Variants in MYCBP2 observed in about 807,000 individuals in gnomAD.
The protein encoded by MYCBP2 is MYC binding protein 2, also known as E3 ubiquitin-protein ligase MYCBP2.
Under a neutral mutation model 525.3 loss-of-function variants are expected in MYCBP2, and 120 were observed. The observed-to-expected ratio is 0.23, with a 90% CI of 0.20 to 0.27. The LOEUF (loss-of-function observed/expected upper bound fraction) is 0.27, where lower values mean the gene tolerates loss of function less well. Ranked by LOEUF, MYCBP2 falls within the 10% of genes least tolerant of loss-of-function variation. MYCBP2 has a pLI of 1.00. For synonymous variants in MYCBP2, 1,894 were observed against 1,955.8 expected (o/e 0.97, Z 0.83); for missense variants, 4,149 against 5,657.1 (o/e 0.73, Z 8.55).
At chr13:77,235,429 G>A (rs1486071640) in intron 17 of MYCBP2, among the ~76,000 whole-genome samples, 1 of 152,038 alleles carries the variant, frequency 6.6e-6, no homozygotes. Context: ...AAACAATATT[G>A]TATAGTCATT....
At chr13:77,094,563 C>T (rs755800071) in intron 58 of MYCBP2, among the ~76,000 whole-genome samples, 3 of 152,142 alleles carry the variant, frequency 2.0e-5, no homozygotes, top group Non-Finnish European at 2.9e-5. Flanking sequence ...TCACTTTGAA[C>T]GGGCTTTCAC....
At chr13:77,262,191 T>C (rs2073412768) in intron 10 of MYCBP2, 62 bp from the exon 11 acceptor site, 16 of 1,352,340 alleles carry the variant, frequency 1.2e-5, no homozygotes, top group Admixed American at 1.8e-5. Context: ...AAATACAACA[T>C]GCACTATTTT....
At chr13:77,137,485 G>C (rs2053932697) in intron 52 of MYCBP2, among the ~76,000 whole-genome samples, 1 of 152,120 alleles carries the variant, frequency 6.6e-6, no homozygotes, top group African/African-American at 2.4e-5. Flanking sequence ...AGGTGTGGTA[G>C]CTCATGCCTG....
At chr13:77,204,770 T>C (rs2154274769) in intron 26 of MYCBP2, among the ~76,000 whole-genome samples, 1 of 125,182 alleles carries the variant, frequency 8.0e-6, no homozygotes, top group Non-Finnish European at 1.7e-5. Flanking sequence ...AAATTGGAAA[T>C]CATCATTCTC....
chr13:77,098,711 G>A lies in MYCBP2; in HGVS notation c.8443C>T (p.Pro2815Ser), dbSNP rs141005456. Residue 2815 changes from proline (P) to serine (S), a missense_variant, in exon 56 of 83, where the codon CCA (proline) becomes TCA (serine). Pro to Ser is a moderately conservative substitution (Grantham distance 74). Coordinates refer to ENST00000544440, the MANE Select transcript of MYCBP2 (RefSeq NM_015057.5). ...TTAGGAGATGACAACCGAGAACCTG[G>A]TCCTGGGGATTCAGCTCTGGAGCTA... Reference protein sequence around the residue: ...PSSSRAESPGPGSRLSSPKPK... With the variant: ...PSSSRAESPGSGSRLSSPKPK... The A allele has an allele frequency of 6.2e-6, 10 of 1,613,428 alleles. No individual in the cohort carries two copies. In the African/African-American group the frequency reaches 8.0e-5, roughly 13 times the overall value.
At position 77,061,277 on chromosome 13, in the gene MYCBP2, T is replaced by G; in HGVS notation, c.12928A>C (p.Ile4310Leu). Residue 4310 changes from isoleucine (I) to leucine (L), a missense_variant, in exon 76 of 83, where the codon ATA becomes CTA. By Grantham distance (5) the Ile-to-Leu change is conservative (BLOSUM62 2). Around this residue, in one of 21 missense-constraint regions of MYCBP2, gnomAD observed 220 missense variants for 396.0 expected, o/e 0.56. Transcript: ENST00000544440. ...RQVFKEEEEA[I>L]KVDLHEGCGR... Reference sequence around the variant, plus strand: ...CAACCTTCATGAAGGTCAACCTTTATAGCTTCTTCTTCTTCTTTGAAGACC... The same window carrying G: ...CAACCTTCATGAAGGTCAACCTTTAGAGCTTCTTCTTCTTCTTTGAAGACC... 1.2e-6 allele frequency: 2 copies of G among 1,608,870 alleles called. No homozygotes were observed. The highest frequency in any genetic ancestry group is 8.5e-7 in the Non-Finnish European group (1 of 1,178,076).
At chr13:77,177,339 T>C (rs915580157) in intron 35 of MYCBP2, among the ~76,000 whole-genome samples, 101 of 147,190 alleles carry the variant, frequency 6.9e-4, no homozygotes, top group African/African-American at 2.2e-3. Flanking sequence ...TCTTTCTTTT[T>C]TTTTTTTTTT....
Position 77,088,947 on chromosome 13 carries a change from C to T in MYCBP2, c.10610G>A (p.Arg3537Gln). ...SAHSSLSKGE[R>Q]NFQWPVLAFV... is the part of the protein sequence containing the mutation. The stretch of plus-strand genomic sequence containing the variant: ...AGCTAAAACTGGCCACTGGAAATTT[C>T]GTTCTCCTTTAGAAAGAGAGCTGTG... Residue 3537 changes from arginine to glutamine, a missense_variant, in exon 61 of 83, where the codon CGA becomes CAA. Arg to Gln is a conservative substitution (Grantham distance 43). This residue lies in a region of MYCBP2 where 509 missense variants were observed against 789.4 expected (regional missense o/e 0.64). Transcript: ENST00000544440. 1.3e-5 allele frequency: 21 copies of T among 1,613,414 alleles called. No individual in the cohort carries two copies. Among genetic ancestry groups the T allele is most frequent in the Non-Finnish European group, 1.8e-5 (21 of 1,179,578 alleles).
intron 55 of MYCBP2, among the ~76,000 whole-genome samples, chr13:77,116,628 T>C (rs1021604085): frequency 2.0e-5 from 3 of 152,042 alleles, no homozygotes; most frequent in Admixed American, 6.6e-5. Context: ...TATAGGCAAG[T>C]AATGATTCAG....
intron 82 of MYCBP2, among the ~76,000 whole-genome samples, 177 bp downstream of exon 82, chr13:77,050,820 C>T (rs1385070529): frequency 6.6e-6 from 1 of 152,158 alleles, no homozygotes; most frequent in East Asian, 1.9e-4. Context: ...TGATGATGAG[C>T]CTGCTTCCTA....
At chr13:77,248,731 T>C (rs1200829454) in intron 15 of MYCBP2, among the ~76,000 whole-genome samples, 1 of 152,060 alleles carries the variant, frequency 6.6e-6, no homozygotes, top group Non-Finnish European at 1.5e-5. Flanking sequence ...AAAAATAAAA[T>C]TACCATATAG....
At chr13:77,090,509 G>T in intron 59 of MYCBP2, 1 of 287,700 alleles carries the variant, frequency 3.5e-6, no homozygotes, top group Non-Finnish European at 6.3e-6. Context: ...AAATGAAAAA[G>T]AAGAAAGGTT....
intron 13 of MYCBP2, among the ~76,000 whole-genome samples, chr13:77,258,544 C>T (rs959655364): frequency 6.6e-6 from 1 of 152,088 alleles, no homozygotes; most frequent in Non-Finnish European, 1.5e-5. Flanking sequence ...CAAATAGTAT[C>T]AATCTCATAT....
At chr13:77,091,559 T>C (rs2045423095) in intron 59 of MYCBP2, among the ~76,000 whole-genome samples, 1 of 152,064 alleles carries the variant, frequency 6.6e-6, no homozygotes, top group South Asian at 2.1e-4. Context: ...CTGTCTTGCC[T>C]CCTGTAGGAT....
At chr13:77,201,873 C>A (rs1413892949) in intron 26 of MYCBP2, among the ~76,000 whole-genome samples, 5 of 152,076 alleles carry the variant, frequency 3.3e-5, no homozygotes, top group African/African-American at 1.2e-4. Flanking sequence ...ATACCAGAAT[C>A]TCTGGGACAC....
chr13:77,160,317 C>T (rs553196327), intron 44 of MYCBP2, among the ~76,000 whole-genome samples: 1 of 152,192 alleles, frequency 6.6e-6, no homozygotes, highest in Non-Finnish European at 1.5e-5. Flanking sequence ...CGTGGGCGAA[C>T]TGCCTAAATG....
At position 77,180,263 on chromosome 13, in the gene MYCBP2, A is replaced by C; in HGVS notation, c.4997T>G (p.Leu1666Arg). 1 of 1,614,218 alleles carries C rather than the reference A, an allele frequency of 6.2e-7. No individual in the cohort carries two copies. The highest frequency in any genetic ancestry group is 8.5e-7 in the Non-Finnish European group (1 of 1,180,028). Residue 1666 changes from leucine to arginine, a missense_variant, in exon 34 of 83, where the codon CTG becomes CGG. Leu to Arg is a moderately radical substitution (Grantham distance 102). Coordinates refer to ENST00000544440, the MANE Select transcript of MYCBP2 (RefSeq NM_015057.5). ...TSFREVLEKM[L>R]VIVVLPVRNS... ...CCTGACTGGTAGCACAACAATGACC[A>C]GCATTTTCTCCAGAACTTCACGGAA...
intron 1 of MYCBP2, among the ~76,000 whole-genome samples, chr13:77,302,101 CAGAA>C (rs1803227437): frequency 6.6e-6 from 1 of 151,710 alleles, no homozygotes; most frequent in Admixed American, 6.6e-5. Context: ...ATTGGAATCC[CAGAA>C]AGAGAGAAAA....
chr13:77,272,255 T>A (rs1286612296), intron 5 of MYCBP2: 2 of 152,194 alleles, frequency 1.3e-5, no homozygotes, highest in African/African-American at 4.8e-5. Context: ...CCTAGAACAT[T>A]CTCTCTCTAC....
Sources: gnomAD v4.1 joint callset for allele counts (sites outside exome capture counted in the v4.1 genomes callset) on GRCh38, gnomAD v4.1.1 for gene constraint, gnomAD v4.1.1 regional missense constraint, MANE v1.5 for transcripts, NCBI Gene and HGNC (gene_info 2026-07-23, HGNC 2026-07-21) for gene names.